EPM2A: variants seen among roughly 807,000 people sequenced by gnomAD.
EPM2A encodes EPM2A glucan phosphatase, laforin, also known as laforin.
EPM2A carries 21 observed loss-of-function variants against 26.5 expected under a neutral mutation model. The ratio of observed to expected loss-of-function variants is 0.79; its 90% CI spans 0.56 to 1.14. EPM2A has a LOEUF of 1.14. EPM2A is among the 50% of genes most tolerant of loss of function. EPM2A has a pLI of 0.00. For synonymous variants in EPM2A, 217 were observed against 177.6 expected, an observed-to-expected ratio of 1.22 and a Z score of -1.76; for missense variants, 458 against 440.8, an observed-to-expected ratio of 1.04 and a Z score of -0.35.
intron 2 of EPM2A, among the ~76,000 whole-genome samples, chr6:145,573,550 C>T (rs889942370): frequency 6.6e-6 from 1 of 152,250 alleles, no homozygotes; most frequent in African/African-American, 2.4e-5. Context: ...TGGTGGGAAT[C>T]ACCACCCCTG....
chr6:145,432,307 T>C (rs150285191), intron 4 of EPM2A, among the ~76,000 whole-genome samples: 280 of 152,348 alleles, frequency 1.8e-3, no homozygotes, highest in Middle Eastern at 6.8e-3. Flanking sequence ...ATCTACTCAC[T>C]ATCTATGGCA....
chr6:145,584,078 T>C (rs1282309627), intron 2 of EPM2A, among the ~76,000 whole-genome samples: 1 of 152,202 alleles, frequency 6.6e-6, no homozygotes. Context: ...TCTGCACACA[T>C]GTCCTATCAG....
intron 4 of EPM2A, among the ~76,000 whole-genome samples, chr6:145,485,964 T>G (rs1280664087): frequency 6.6e-6 from 1 of 152,186 alleles, no homozygotes; most frequent in Non-Finnish European, 1.5e-5. Flanking sequence ...ATGATTCGGT[T>G]ATCTCCCACC....
At chr6:145,536,101 C>T (rs985244852) in intron 2 of EPM2A, among the ~76,000 whole-genome samples, 11 of 152,292 alleles carry the variant, frequency 7.2e-5, no homozygotes, top group East Asian at 5.8e-4. Flanking sequence ...TTCTTTGTAG[C>T]CTATTGGCTT....
intron 1 of EPM2A, among the ~76,000 whole-genome samples, chr6:145,704,526 C>T (rs6930154): frequency 0.55 from 83,582 of 152,070 alleles, 23,499 homozygotes; most frequent in East Asian, 0.74. Context: ...GGACAGATAG[C>T]GGAAGTGTTA....
At chr6:145,432,356 T>C (rs1778932899) in intron 4 of EPM2A, among the ~76,000 whole-genome samples, 1 of 152,218 alleles carries the variant, frequency 6.6e-6, no homozygotes, top group South Asian at 2.1e-4. Flanking sequence ...AGAATATAAC[T>C]TGAAAGTCAA....
chr6:145,687,753 T>C (rs893486666), intron 1 of EPM2A, among the ~76,000 whole-genome samples: 2 of 152,322 alleles, frequency 1.3e-5, no homozygotes, highest in East Asian at 3.9e-4. Context: ...ATATAACTCC[T>C]TCCATCAGAC....
intron 2 of EPM2A, among the ~76,000 whole-genome samples, chr6:145,659,394 G>A (rs1285452445): frequency 4.6e-5 from 7 of 152,034 alleles, no homozygotes; most frequent in Admixed American, 3.3e-4. Context: ...GGCTTTTTCT[G>A]TACTTCAACA....
chr6:145,436,641 A>G (rs1235218020), intron 4 of EPM2A, among the ~76,000 whole-genome samples: 1 of 151,916 alleles, frequency 6.6e-6, no homozygotes, highest in Non-Finnish European at 1.5e-5. Context: ...TATATTTTCT[A>G]TGGAGAACTG....
chr6:145,612,753 T>C (rs1182440695), intron 2 of EPM2A, among the ~76,000 whole-genome samples: 4 of 148,186 alleles, frequency 2.7e-5, no homozygotes, highest in Non-Finnish European at 4.5e-5. Context: ...TAGGTATATA[T>C]GTATTTTATA....
At chr6:145,422,883 T>C (rs924706744) in intron 4 of EPM2A, among the ~76,000 whole-genome samples, 15 of 152,122 alleles carry the variant, frequency 9.9e-5, no homozygotes, top group Non-Finnish European at 1.6e-4. Context: ...ATTTAATCAC[T>C]AAAAATTTTT....
downstream of EPM2A, among the ~76,000 whole-genome samples, chr6:145,624,500 A>G (rs1775705564): frequency 6.6e-6 from 1 of 152,152 alleles, no homozygotes; most frequent in Non-Finnish European, 1.5e-5. Flanking sequence ...ATCACAATAA[A>G]TCTCCGAACC....
Position 145,735,316 on chromosome 6 carries a change from G to A in EPM2A, c.183C>T (p.Leu61=). 7.1e-7 allele frequency: 1 copy of A among 1,399,472 alleles called. No individual in the cohort carries two copies. Among genetic ancestry groups the A allele is most frequent in the Non-Finnish European group, 9.4e-7 (1 of 1,064,960 alleles). The allele number at this position is 1,399,472 out of a possible 1,614,324, so 86.7% of individuals were successfully genotyped here. The change falls in exon 1 of 4, where the codon CTC becomes CTT. Residue 61 remains leucine (L), a synonymous_variant. Coordinates refer to ENST00000367519, the MANE Select transcript of EPM2A (RefSeq NM_005670.4). Reference sequence around the variant, plus strand: ...CCTCGGCCGCCAGCTCCACCTCCCCGAGCCACAGGCCCGGCTCCTGCAGGG... The same window carrying A: ...CCTCGGCCGCCAGCTCCACCTCCCCAAGCCACAGGCCCGGCTCCTGCAGGG... ...ALALQEPGLW[L]GEVELAAEEA...
chr6:145,529,525 G>T lies in EPM2A; in HGVS notation c.341-26950C>A, dbSNP rs139064565. ...ATAATTTATATTTTTCAGAAATAAA[G>T]AATTTTAATAAAGATATGTACATTT... On this transcript the variant is annotated intron_variant, in intron 2 of 3. Coordinates refer to the EPM2A transcript ENST00000450221. Among the ~76,000 whole-genome samples the T allele has an allele frequency of 1.9e-4, 29 of 152,196 alleles. No individual in the cohort carries two copies. The East Asian group carries it at 5.6e-3, about 29-fold the overall frequency.
intron 4 of EPM2A, among the ~76,000 whole-genome samples, chr6:145,415,892 A>G (rs548256122): frequency 1.1e-4 from 17 of 152,152 alleles, no homozygotes; most frequent in East Asian, 5.8e-4. Flanking sequence ...TCTGACCCCA[A>G]TTGCAAAGCC....
At chr6:145,487,130 T>C (rs964163299) in intron 4 of EPM2A, among the ~76,000 whole-genome samples, 1 of 152,214 alleles carries the variant, frequency 6.6e-6, no homozygotes, top group African/African-American at 2.4e-5. Context: ...CTAAGGATAA[T>C]GGCCTCTAGC....
chr6:145,664,468 C>G (rs1778993860), intron 2 of EPM2A, among the ~76,000 whole-genome samples: 1 of 138,108 alleles, frequency 7.2e-6, no homozygotes, highest in South Asian at 2.5e-4. Context: ...GCTAACTATC[C>G]TAAATATATA....
chr6:145,507,852 C>T (rs1779999646), intron 2 of EPM2A, among the ~76,000 whole-genome samples: 1 of 152,140 alleles, frequency 6.6e-6, no homozygotes, highest in Non-Finnish European at 1.5e-5. Flanking sequence ...GCAAGACTTA[C>T]AGCCAGGGAC....
At chr6:145,679,753 A>G (rs1406560841) in intron 2 of EPM2A, among the ~76,000 whole-genome samples, 1 of 152,156 alleles carries the variant, frequency 6.6e-6, no homozygotes, top group African/African-American at 2.4e-5. Flanking sequence ...AAAAACAAAA[A>G]CACTTGAACA....
Sources: gnomAD v4.1 joint callset for allele counts (sites outside exome capture counted in the v4.1 genomes callset) on GRCh38, gnomAD v4.1.1 for gene constraint, MANE v1.5 for transcripts, NCBI Gene and HGNC (gene_info 2026-07-23, HGNC 2026-07-21) for gene names.